The following POLR1C variants were observed in gnomAD, a reference collection of about 807,000 sequenced individuals.
POLR1C encodes the protein DNA-directed RNA polymerases I and III subunit RPAC1.
POLR1C carries 42 observed loss-of-function variants against 38.3 expected under a neutral mutation model. That is an observed-to-expected ratio of 1.10 (90% CI 0.86 to 1.42). The LOEUF (loss-of-function observed/expected upper bound fraction) is 1.42. POLR1C is among the 40% of genes most tolerant of loss of function. The probability of loss-of-function intolerance (pLI) is 0.00; values close to 1 mark genes in which losing one functional copy is unlikely to be tolerated. For missense variants in POLR1C, 507 were observed against 450.5 expected (o/e 1.13, Z -1.14); for synonymous variants, 163 against 163.9 (o/e 0.99, Z 0.04).
chr6:43,523,525 C>A (rs1793330652), downstream of POLR1C: 1 of 449,070 alleles, frequency 2.2e-6, no homozygotes, highest in Non-Finnish European at 4.4e-6. Context: ...CCCTTAGTTA[C>A]CATTCTGTAC....
At chr6:43,558,256 A>G (rs541883698) in intron 10 of POLR1C, among the ~76,000 whole-genome samples, 1 of 152,278 alleles carries the variant, frequency 6.6e-6, no homozygotes, top group African/African-American at 2.4e-5. Flanking sequence ...GAGCGTCTTA[A>G]GTATGGTTAC....
chr6:43,553,361 A>G (rs1369273488), intron 10 of POLR1C: 1 of 1,603,870 alleles, frequency 6.2e-7, no homozygotes, highest in Non-Finnish European at 8.5e-7. Flanking sequence ...AGCATGGGAA[A>G]TAATTACTTA....
chr6:43,524,412 T>C (rs187026481), downstream of POLR1C: 1 of 1,562,540 alleles, frequency 6.4e-7, no homozygotes, highest in East Asian at 2.3e-5. Context: ...GTTTATGGTT[T>C]GCCCATACAC....
At chr6:43,541,877 G>T (rs558705479) in intron 9 of POLR1C, among the ~76,000 whole-genome samples, 1 of 151,998 alleles carries the variant, frequency 6.6e-6, no homozygotes, top group Admixed American at 6.6e-5. Flanking sequence ...TCCTGGGTTC[G>T]AGTGATTCTC....
intron 10 of POLR1C, chr6:43,561,055 G>T: frequency 6.8e-7 from 1 of 1,467,418 alleles, no homozygotes; most frequent in African/African-American, 1.4e-5. Flanking sequence ...AGAAAAGCAG[G>T]AGAGGAAAAA....
At position 43,538,402 on chromosome 6, in the gene POLR1C, G is replaced by A. The variant is rs187451748; in HGVS notation, c.*4+9043G>A. Among the ~76,000 whole-genome samples the A allele has an allele frequency of 1.6e-4, 25 of 151,846 alleles. No individual in the cohort carries two copies. In the East Asian group the frequency reaches 4.5e-3, roughly 27 times the overall value. ...TTAGCCTCAAGGATCCGCCTGCCTCGGCCTCCCAAACTGCTGAGATCACAA... is the reference window on the plus strand; with the variant it reads ...TTAGCCTCAAGGATCCGCCTGCCTCAGCCTCCCAAACTGCTGAGATCACAA... On this transcript the variant is annotated intron_variant, in intron 9 of 10. Transcript: ENST00000607635.
downstream of POLR1C, chr6:43,525,155 C>G: frequency 6.3e-7 from 1 of 1,584,692 alleles, no homozygotes; most frequent in Non-Finnish European, 8.6e-7. Context: ...TCTGGCAGGA[C>G]AGAGTATCTT....
At chr6:43,557,751 T>C (rs964062343) in intron 10 of POLR1C, among the ~76,000 whole-genome samples, 2 of 137,986 alleles carry the variant, frequency 1.4e-5, no homozygotes, top group Non-Finnish European at 3.0e-5. Flanking sequence ...GGGTGAACTG[T>C]ATGGTAAATG....
intron 8 of POLR1C, chr6:43,528,308 A>T (rs1222045860): frequency 8.2e-7 from 1 of 1,215,308 alleles, no homozygotes; most frequent in African/African-American, 1.5e-5. Context: ...GCCAAGGATG[A>T]TTCTAGGCAT....
Position 43,519,753 on chromosome 6 carries a change from C to G in POLR1C, c.297C>G (p.Ser99=). Residue 99 remains serine, a synonymous_variant, in exon 4 of 9, where the codon TCC becomes TCG. Transcript: ENST00000642195. ...AGGTCCTGGTGTACAATAATACATC[C>G]ATTGTTCAGGATGAGATTCTTGCTC... ...VEKVLVYNNT[S]IVQDEILAHR... 1 of 1,613,908 alleles carries G rather than the reference C, an allele frequency of 6.2e-7. No individual in the cohort carries two copies. The highest frequency in any genetic ancestry group is 8.5e-7 in the Non-Finnish European group (1 of 1,179,846).
downstream of POLR1C, chr6:43,523,934 CTTTG>C: frequency 1.2e-6 from 2 of 1,614,028 alleles, no homozygotes; most frequent in Non-Finnish European, 1.7e-6. Context: ...CCAGCATTGG[CTTTG>C]TTTTTTTGAA....
At chr6:43,539,295 C>A (rs1388810665) in intron 9 of POLR1C, 33 of 1,541,440 alleles carry the variant, frequency 2.1e-5, no homozygotes, top group Non-Finnish European at 2.6e-5. Flanking sequence ...CCCAGACCGA[C>A]GTGGCCACTG....
chr6:43,520,785 T>G lies in POLR1C; in HGVS notation c.805+11T>G, dbSNP rs201455719. 2 of 1,613,360 alleles carry G rather than the reference T, an allele frequency of 1.2e-6. No individual in the cohort carries two copies. The highest frequency in any genetic ancestry group is 2.2e-5 in the East Asian group (1 of 44,882). On this transcript the variant is annotated intron_variant, in intron 7 of 8. Coordinates refer to ENST00000642195, the MANE Select transcript of POLR1C (RefSeq NM_203290.4). ...TGCAGGAAGTCCAAGGTATGGTATT[T>G]GGGATGCTGTTCAAGTTAGGACCTA...
chr6:43,517,513 C>A (rs1403361875), intron 2 of POLR1C, 136 bp downstream of exon 2: 2 of 738,916 alleles, frequency 2.7e-6, no homozygotes, highest in Non-Finnish European at 4.8e-6. Context: ...CTAGACGCTC[C>A]GTTTACAGGC....
intron 8 of POLR1C, chr6:43,526,699 G>T (rs982466746): frequency 6.2e-7 from 1 of 1,613,906 alleles, no homozygotes; most frequent in African/African-American, 1.3e-5. Flanking sequence ...TCCATCTGCT[G>T]GGGGAGCACT....
chr6:43,537,717 T>G (rs936848152), intron 9 of POLR1C, among the ~76,000 whole-genome samples: 3 of 152,068 alleles, frequency 2.0e-5, no homozygotes, highest in Non-Finnish European at 4.4e-5. Context: ...ATCATCAAAA[T>G]TTCACCAGGG....
intron 9 of POLR1C, among the ~76,000 whole-genome samples, chr6:43,538,038 T>C (rs1794450146): frequency 8.7e-6 from 1 of 115,570 alleles, no homozygotes; most frequent in African/African-American, 3.5e-5. Flanking sequence ...TGAGCTGAGA[T>C]AGCACCAGTG....
At chr6:43,546,849 C>T (rs914869439) in intron 9 of POLR1C, 4 of 1,175,506 alleles carry the variant, frequency 3.4e-6, no homozygotes, top group Non-Finnish European at 4.7e-6. Context: ...AAAAGTGACA[C>T]AGAGGCCAGA....
Position 43,521,429 on chromosome 6 carries a change from ACAT to A in POLR1C, c.*130_*132del. ...TGGGACAATTCCAGCTTTAATCAAT[ACAT>A]TTTGTTAAATGTGCCATAAAATGAG... is the stretch of plus-strand genomic sequence containing the variant. On this transcript the variant is annotated 3_prime_UTR_variant, in exon 9 of 9. Transcript: ENST00000642195. 6.4e-7 allele frequency: 1 copy of A among 1,558,490 alleles called. No homozygotes were observed. The highest frequency in any genetic ancestry group is 1.2e-5 in the South Asian group (1 of 86,106).
Sources: allele counts gnomAD v4.1 joint callset (sites outside exome capture counted in the v4.1 genomes callset), GRCh38; gene constraint gnomAD v4.1.1; transcripts MANE v1.5; gene names NCBI Gene and HGNC (gene_info 2026-07-23, HGNC 2026-07-21).